SLC67A1: variants seen among roughly 807,000 people sequenced by gnomAD.
SLC67A1 encodes the protein solute carrier family 67 member A1.
At chr11:2,920,749 C>T in the SLC67A1 span, 1 of 152,270 alleles carries the variant, frequency 6.6e-6, no homozygotes, top group South Asian at 2.1e-4. Flanking sequence ...AGGTTCATGT[C>T]ACAACCTGCA....
chr11:2,908,765 C>T, the SLC67A1 span, among the ~76,000 whole-genome samples: 1 of 152,100 alleles, frequency 6.6e-6, no homozygotes, highest in Non-Finnish European at 1.5e-5. Flanking sequence ...CAGAGCAACC[C>T]GTAGGCAGAA....
the SLC67A1 span, among the ~76,000 whole-genome samples, chr11:2,903,979 T>C: frequency 1.3e-5 from 2 of 152,244 alleles, no homozygotes; most frequent in Non-Finnish European, 1.5e-5. Flanking sequence ...CTCAAGCTTT[T>C]TCTTGCAAGA....
chr11:2,925,134 T>C, the SLC67A1 span: 1 of 1,613,842 alleles, frequency 6.2e-7, no homozygotes, highest in Non-Finnish European at 8.5e-7. The surrounding 1 kb of genome is among the most constrained non-coding windows in gnomAD (Gnocchi z 6.5). Flanking sequence ...TTGCTATCAA[T>C]ACCCTTGTCC....
chr11:2,911,077 G>A, the SLC67A1 span, among the ~76,000 whole-genome samples: 1 of 152,158 alleles, frequency 6.6e-6, no homozygotes, highest in Non-Finnish European at 1.5e-5. Context: ...ACCGCTGGTG[G>A]CCAAGGAAGC....
the SLC67A1 span, among the ~76,000 whole-genome samples, chr11:2,918,408 G>A: frequency 1.3e-5 from 2 of 152,240 alleles, no homozygotes; most frequent in East Asian, 3.8e-4. Flanking sequence ...TGAGATGCAG[G>A]GACAGCAGGT....
the SLC67A1 span, chr11:2,914,654 G>A: frequency 1.8e-5 from 17 of 970,608 alleles, no homozygotes; most frequent in Admixed American, 1.2e-4. Flanking sequence ...ACCCACCACC[G>A]CTCGAGGGCC....
the SLC67A1 span, chr11:2,908,160 CAT>C: frequency 9.6e-7 from 1 of 1,038,250 alleles, no homozygotes; most frequent in African/African-American, 1.6e-5. Flanking sequence ...ACCCCCTGCC[CAT>C]CCAGGGACCC....
the SLC67A1 span, chr11:2,902,518 C>A: frequency 7.5e-6 from 7 of 934,812 alleles, no homozygotes; most frequent in African/African-American, 1.1e-4. Context: ...TGGGGGAGGG[C>A]GCCAGGCGCA....
the SLC67A1 span, chr11:2,899,813 T>G: frequency 1.7e-6 from 2 of 1,193,424 alleles, no homozygotes; most frequent in Non-Finnish European, 2.3e-6. Flanking sequence ...AGTGGTAAGT[T>G]TCCAGCATCT....
At chr11:2,909,137 CG>C in the SLC67A1 span, 2 of 1,417,292 alleles carry the variant, frequency 1.4e-6, no homozygotes, top group South Asian at 2.9e-5. Context: ...AGCCCCTGGA[CG>C]GGGGGAAGGG....
the SLC67A1 span, chr11:2,922,429 G>T: frequency 6.2e-7 from 1 of 1,609,712 alleles, no homozygotes; most frequent in Non-Finnish European, 8.5e-7. Flanking sequence ...CCCGCCTGCC[G>T]TCCCAGGCCT....
the SLC67A1 span, chr11:2,903,216 A>C: frequency 6.6e-7 from 1 of 1,506,472 alleles, no homozygotes; most frequent in Non-Finnish European, 8.8e-7. Flanking sequence ...TCTTGCAGGC[A>C]AGGCCAGGCG....
At chr11:2,913,547 C>A in the SLC67A1 span, among the ~76,000 whole-genome samples, 3 of 152,160 alleles carry the variant, frequency 2.0e-5, no homozygotes, top group East Asian at 3.9e-4. Flanking sequence ...GGAAGCCAGA[C>A]GGCAGCTGCG....
the SLC67A1 span, among the ~76,000 whole-genome samples, chr11:2,901,475 G>C: frequency 0.34 from 51,309 of 152,220 alleles, 9,559 homozygotes; most frequent in East Asian, 0.44. Context: ...TGCCTGGGGA[G>C]GAGGTGGGGC....
the SLC67A1 span, chr11:2,902,564 CA>C: frequency 1.0e-6 from 1 of 985,418 alleles, no homozygotes; most frequent in Non-Finnish European, 1.2e-6. Context: ...CGCCCTACCC[CA>C]CCAGCCTGGG....
the SLC67A1 span, chr11:2,909,481 G>A: frequency 7.0e-7 from 1 of 1,434,128 alleles, no homozygotes; most frequent in Non-Finnish European, 9.1e-7. Flanking sequence ...ACGGGGGTGG[G>A]GGGCGACGTG....
chr11:2,901,350 C>T, the SLC67A1 span, among the ~76,000 whole-genome samples: 2 of 152,358 alleles, frequency 1.3e-5, no homozygotes, highest in African/African-American at 4.8e-5. Context: ...TCTCGCTCGC[C>T]TCTGCGATGT....
chr11:2,914,483 C>T, the SLC67A1 span, among the ~76,000 whole-genome samples: 1 of 152,128 alleles, frequency 6.6e-6, no homozygotes, highest in Non-Finnish European at 1.5e-5. Flanking sequence ...TTTTGGGGAG[C>T]AGGAGAGCTG....
the SLC67A1 span, chr11:2,909,318 C>T: frequency 6.5e-7 from 1 of 1,533,412 alleles, no homozygotes; most frequent in Admixed American, 2.0e-5. Context: ...CTGCTCTTCG[C>T]CTCGCGCCTG....
Sources: gnomAD v4.1 joint callset for allele counts (sites outside exome capture counted in the v4.1 genomes callset) on GRCh38, gnomAD v4.1.1 for gene constraint, Gnocchi (gnomAD v3.1) non-coding constraint, MANE v1.5 for transcripts, NCBI Gene and HGNC (gene_info 2026-07-23, HGNC 2026-07-21) for gene names.